The following TSGA10IP variants were observed in gnomAD, a reference collection of about 807,000 sequenced individuals.
TSGA10IP encodes the protein testis-specific protein 10-interacting protein.
TSGA10IP carries 64 observed loss-of-function variants against 63.2 expected under a neutral mutation model. The observed-to-expected ratio is 1.01, with a 90% CI of 0.83 to 1.25. The LOEUF (loss-of-function observed/expected upper bound fraction) is 1.25. Ranked by LOEUF, TSGA10IP falls within the 50% of genes most tolerant of loss-of-function variation. The probability of loss-of-function intolerance (pLI) is 0.00; values close to 1 mark genes in which losing one functional copy is unlikely to be tolerated. For missense variants in TSGA10IP, 681 were observed against 710.1 expected (o/e 0.96, Z 0.47); for synonymous variants, 316 against 298.3 (o/e 1.06, Z -0.61).
intron 4 of TSGA10IP, among the ~76,000 whole-genome samples, 167 bp downstream of exon 4, chr11:65,948,315 T>TCCA (rs1854883161): frequency 6.6e-6 from 1 of 150,512 alleles, no homozygotes; most frequent in Non-Finnish European, 1.5e-5. Flanking sequence ...CATCCATCCA[T>TCCA]CCACCCATCC....
At chr11:65,952,416 TTG>T (rs143966302) in intron 4 of TSGA10IP, among the ~76,000 whole-genome samples, 21 of 149,766 alleles carry the variant, frequency 1.4e-4, no homozygotes, top group East Asian at 1.9e-4. Context: ...AAGCTTTCTT[TTG>T]TGTGTGTGTG....
intron 4 of TSGA10IP, among the ~76,000 whole-genome samples, chr11:65,948,400 T>C (rs750781137): frequency 1.3e-5 from 2 of 152,188 alleles, no homozygotes; most frequent in Admixed American, 6.5e-5. Flanking sequence ...CAATTATCTA[T>C]TGATACAACC....
intron 4 of TSGA10IP, among the ~76,000 whole-genome samples, chr11:65,950,428 T>C (rs1316049831): frequency 6.6e-6 from 1 of 152,134 alleles, no homozygotes; most frequent in Admixed American, 6.6e-5. Context: ...AGGGTCTTGC[T>C]GTGTTGCCCA....
At chr11:65,958,751 G>T in intron 5 of TSGA10IP, 132 bp from the exon 6 acceptor site, 1 of 721,126 alleles carries the variant, frequency 1.4e-6, no homozygotes. Flanking sequence ...GCAAGAATGG[G>T]AATGAAATAG....
chr11:65,949,311 A>T (rs1337697441), intron 4 of TSGA10IP, among the ~76,000 whole-genome samples: 1 of 152,062 alleles, frequency 6.6e-6, no homozygotes, highest in East Asian at 1.9e-4. Flanking sequence ...GAGGGAGGGG[A>T]TCCATTTAAG....
intron 4 of TSGA10IP, among the ~76,000 whole-genome samples, chr11:65,951,798 C>T (rs891251795): frequency 1.3e-5 from 2 of 151,266 alleles, no homozygotes; most frequent in African/African-American, 4.9e-5. Context: ...CTGCTGCCTC[C>T]ACCTCCCAAA....
intron 5 of TSGA10IP, among the ~76,000 whole-genome samples, chr11:65,957,917 G>C (rs1221949425): frequency 6.6e-6 from 1 of 152,172 alleles, no homozygotes; most frequent in Non-Finnish European, 1.5e-5. Flanking sequence ...TGATACTCAA[G>C]TTTGTCAAAC....
chr11:65,958,794 C>T, intron 5 of TSGA10IP, 89 bp from the exon 6 acceptor site: 2 of 1,048,552 alleles, frequency 1.9e-6, no homozygotes, highest in Non-Finnish European at 2.8e-6. Context: ...ACATGAATAT[C>T]AAGTCCTTAG....
exon 3 of TSGA10IP, chr11:65,947,446 A>T (rs774355353): frequency 4.5e-5 from 73 of 1,613,506 alleles, no homozygotes; most frequent in Non-Finnish European, 5.7e-5. Context: ...GGCCAGGATC[A>T]GGATCGGCGT....
At chr11:65,946,650 G>T (rs1854839792) in intron 1 of TSGA10IP, among the ~76,000 whole-genome samples, 1 of 152,156 alleles carries the variant, frequency 6.6e-6, no homozygotes, top group Non-Finnish European at 1.5e-5. Context: ...GGCCAGGCTG[G>T]TCTCGAACTC....
chr11:65,955,363 T>A (rs1789632), intron 5 of TSGA10IP, among the ~76,000 whole-genome samples: 25 of 152,132 alleles, frequency 1.6e-4, no homozygotes, highest in Non-Finnish European at 2.9e-5. Context: ...CCCAACACTT[T>A]GGGAAGCCGA....
At chr11:65,946,496 A>G (rs1399119351) in intron 1 of TSGA10IP, among the ~76,000 whole-genome samples, 1 of 152,048 alleles carries the variant, frequency 6.6e-6, no homozygotes, top group African/African-American at 2.4e-5. Flanking sequence ...CAATGACACA[A>G]TCTCGGCTCA....
At chr11:65,959,922 C>A in exon 8 of TSGA10IP, 1 of 1,613,368 alleles carries the variant, frequency 6.2e-7, no homozygotes, top group Non-Finnish European at 8.5e-7. Context: ...CCAGCCTGGA[C>A]CCGGAGTGCA....
chr11:65,955,548 G>C (rs1440112375), intron 5 of TSGA10IP, among the ~76,000 whole-genome samples: 1 of 151,992 alleles, frequency 6.6e-6, no homozygotes, highest in African/African-American at 2.4e-5. Context: ...GGGAGGCGGA[G>C]GTTGCAGTGA....
At chr11:65,947,648 G>A (rs1445647813) in exon 3 of TSGA10IP, 1 of 1,612,678 alleles carries the variant, frequency 6.2e-7, no homozygotes, top group African/African-American at 1.3e-5. Context: ...TCAGAGAAAG[G>A]GGCAGATTTC....
rs114009191 is a variant in TSGA10IP, at chr11:65,945,995, G to A, written c.147+173G>A. 4,774 of 708,630 alleles carry A rather than the reference G, an allele frequency of 6.7e-3. 179 individuals carry two copies. The African/African-American group carries it at 0.076, about 11-fold the overall frequency. 43.9% of individuals were successfully genotyped at this position (708,630 alleles called of 1,614,324 possible). A position where few individuals can be genotyped will look rare whatever the true frequency, so the allele number is the denominator to read the frequency against. On this transcript the variant is annotated intron_variant, in intron 1 of 7. Coordinates refer to ENST00000532620, the Ensembl canonical transcript of TSGA10IP. ...GGGAGGCCTAAGGGCCTTGGGAGAA[G>A]CCGAGGGATGACGCCCAGGAGTGAC...
At chr11:65,957,954 C>T (rs1855053354) in intron 5 of TSGA10IP, among the ~76,000 whole-genome samples, 1 of 152,198 alleles carries the variant, frequency 6.6e-6, no homozygotes, top group East Asian at 1.9e-4. Context: ...AGTGCACAAA[C>T]TGGGTTTTGG....
At chr11:65,953,719 G>A (rs773032221) in exon 5 of TSGA10IP, 11 of 1,546,856 alleles carry the variant, frequency 7.1e-6, no homozygotes, top group East Asian at 4.8e-5. Flanking sequence ...GCGGCCCAGC[G>A]CAAGCTGGAG....
chr11:65,955,480 G>T (rs772844964), intron 5 of TSGA10IP, among the ~76,000 whole-genome samples: 2 of 152,084 alleles, frequency 1.3e-5, no homozygotes, highest in Non-Finnish European at 2.9e-5. Flanking sequence ...GGGCGTAGTG[G>T]CGCGCGACTG....
Sources: allele counts gnomAD v4.1 joint callset (sites outside exome capture counted in the v4.1 genomes callset), GRCh38; gene constraint gnomAD v4.1.1; transcripts MANE v1.5; gene names NCBI Gene and HGNC (gene_info 2026-07-23, HGNC 2026-07-21).